The following NAA15 variants were observed in gnomAD, a reference collection of about 807,000 sequenced individuals.
The protein encoded by NAA15 is N-alpha-acetyltransferase 15, NatA auxiliary subunit.
A neutral mutation model predicts 114.0 loss-of-function variants in NAA15; 34 were observed. That is an observed-to-expected ratio of 0.30 (90% CI 0.23 to 0.40). The LOEUF (loss-of-function observed/expected upper bound fraction) is 0.40, where lower values mean the gene tolerates loss of function less well. Ranked by LOEUF, NAA15 falls within the 10% of genes least tolerant of loss-of-function variation. The pLI is 1.00. For synonymous variants in NAA15, 340 were observed against 338.0 expected, an observed-to-expected ratio of 1.01 and a Z score of -0.06; for missense variants, 658 against 1,004.5, an observed-to-expected ratio of 0.66 and a Z score of 4.66.
Position 139,343,295 on chromosome 4 carries a change from A to G in NAA15, c.537+335A>G, listed in dbSNP as rs1305991243. Reference sequence around the variant, plus strand: ...TATAGTTTTCAGTTCTCTAGATAGTATTATAGGGATAGATTATAAAAATTA... The same window carrying G: ...TATAGTTTTCAGTTCTCTAGATAGTGTTATAGGGATAGATTATAAAAATTA... On this transcript the variant is annotated intron_variant, in intron 5 of 19. Transcript: ENST00000296543. Among the ~76,000 whole-genome samples the G allele has an allele frequency of 2.6e-5, 4 of 152,172 alleles. No homozygotes were observed. The East Asian group carries it at 7.7e-4, about 29-fold the overall frequency.
At chr4:139,352,309 G>T (rs1270054261) in intron 9 of NAA15, among the ~76,000 whole-genome samples, 1 of 151,922 alleles carries the variant, frequency 6.6e-6, no homozygotes, top group African/African-American at 2.4e-5. Flanking sequence ...GGGTTTCACC[G>T]TGTTGGCCAG....
chr4:139,358,211 GAGAA>G (rs1234276138), intron 11 of NAA15, among the ~76,000 whole-genome samples: 1 of 148,938 alleles, frequency 6.7e-6, no homozygotes, highest in Non-Finnish European at 1.5e-5. Flanking sequence ...TTTTGAGAGA[GAGAA>G]AGAGTCTCAC....
chr4:139,370,356 G>T lies in NAA15; in HGVS notation c.1899G>T (p.Glu633Asp), dbSNP rs765288436. ...NQKKKKDDDD[E>D]EIGGPKEELI... ...AAAAGAAGAAGGATGATGATGATGA[G>T]GAGATAGGAGGTCCAAAAGAAGAAC... The change falls in exon 15 of 20, where the codon GAG becomes GAT. Residue 633 changes from glutamate (E) to aspartate (D), a missense_variant. Around this residue, in one of 6 missense-constraint regions of NAA15, gnomAD observed 275 missense variants for 371.1 expected, o/e 0.74. Coordinates refer to ENST00000296543, the MANE Select transcript of NAA15 (RefSeq NM_057175.5). 6.3e-7 allele frequency: 1 copy of T among 1,580,504 alleles called. No individual in the cohort carries two copies. The highest frequency in any genetic ancestry group is 1.4e-5 in the African/African-American group (1 of 72,784).
intron 15 of NAA15, among the ~76,000 whole-genome samples, chr4:139,372,162 C>T (rs555727774): frequency 3.0e-4 from 45 of 152,220 alleles, no homozygotes; most frequent in Non-Finnish European, 3.8e-4. Flanking sequence ...ATGATCCTCC[C>T]GCCTCAGCCT....
At chr4:139,384,355 G>A (rs1748833431) in intron 17 of NAA15, among the ~76,000 whole-genome samples, 2 of 152,132 alleles carry the variant, frequency 1.3e-5, no homozygotes, top group African/African-American at 4.8e-5. Context: ...GCTTGCACCT[G>A]TGGTCCCAGC....
At chr4:139,347,016 T>C (rs974213193) in intron 6 of NAA15, among the ~76,000 whole-genome samples, 1 of 151,754 alleles carries the variant, frequency 6.6e-6, no homozygotes, top group Non-Finnish European at 1.5e-5. Context: ...CAAATGATCC[T>C]CCCCCCAAAC....
At position 139,301,606 on chromosome 4, in the gene NAA15, C is replaced by A; in HGVS notation, c.-172C>A. 1 of 670,382 alleles carries A rather than the reference C, an allele frequency of 1.5e-6. No individual in the cohort carries two copies. Among genetic ancestry groups the A allele is most frequent in the Non-Finnish European group, 2.5e-6 (1 of 403,738 alleles). 41.5% of individuals were successfully genotyped at this position (670,382 alleles called of 1,614,324 possible). The stretch of plus-strand genomic sequence containing the variant: ...TTAAGTGAGAAAGGAAAAAAGACAA[C>A]GAGGAAAAAGGAGGTGTCCGGGTAG... On this transcript the variant is annotated 5_prime_UTR_variant, in exon 1 of 20. Transcript: ENST00000296543.
intron 1 of NAA15, among the ~76,000 whole-genome samples, chr4:139,331,805 T>G (rs897165852): frequency 6.6e-6 from 1 of 151,990 alleles, no homozygotes; most frequent in Non-Finnish European, 1.5e-5. Flanking sequence ...AATGTTTACA[T>G]TTTTATAACT....
chr4:139,336,742 C>A, intron 2 of NAA15, 106 bp from the exon 3 acceptor site: 4 of 523,302 alleles, frequency 7.6e-6, no homozygotes, highest in Non-Finnish European at 1.2e-5. Context: ...ATTTTTAATT[C>A]TTAAGGCAGT....
intron 16 of NAA15, among the ~76,000 whole-genome samples, chr4:139,377,549 AG>A (rs1314702378): frequency 6.6e-6 from 1 of 151,868 alleles, no homozygotes; most frequent in Admixed American, 6.6e-5. Flanking sequence ...AAAAAAAAAA[AG>A]GTCATGTTTA....
chr4:139,354,668 A>G (rs986900422), intron 10 of NAA15, among the ~76,000 whole-genome samples: 9 of 152,226 alleles, frequency 5.9e-5, no homozygotes, highest in East Asian at 1.9e-4. Flanking sequence ...ATGCAACAGT[A>G]TAATAATCCT....
Position 139,390,477 on chromosome 4 carries a change from CAG to C in NAA15, c.*2394_*2395del, listed in dbSNP as rs1426404669. 6.6e-6 allele frequency: 1 copy of C among 152,498 alleles called. No individual in the cohort carries two copies. Among genetic ancestry groups the C allele is most frequent in the African/African-American group, 2.4e-5 (1 of 41,404 alleles). 9.4% of individuals were successfully genotyped at this position (152,498 alleles called of 1,614,324 possible). On this transcript the variant is annotated 3_prime_UTR_variant, in exon 20 of 20. Coordinates refer to ENST00000296543, the MANE Select transcript of NAA15 (RefSeq NM_057175.5). ...TTCAAATGATACTGTGGGGGAAAAA[CAG>C]GGTTAGAAAAACAAGTGGAAAAAAT...
At chr4:139,349,393 A>G (rs1747705125) in intron 6 of NAA15, 69 bp from the exon 7 acceptor site, 2 of 1,376,316 alleles carry the variant, frequency 1.5e-6, no homozygotes, top group Non-Finnish European at 2.0e-6. Flanking sequence ...AATTTTGAGG[A>G]AAAGTTAAAA....
chr4:139,311,856 G>C (rs1184281608), intron 1 of NAA15, among the ~76,000 whole-genome samples: 1 of 151,854 alleles, frequency 6.6e-6, no homozygotes, highest in African/African-American at 2.4e-5. Flanking sequence ...TCAGGAGTCT[G>C]AGGCAGCAAG....
intron 1 of NAA15, among the ~76,000 whole-genome samples, chr4:139,321,476 T>C (rs1167046222): frequency 1.3e-5 from 2 of 148,382 alleles, no homozygotes; most frequent in Non-Finnish European, 3.0e-5. Context: ...TATTTGTTTT[T>C]TTTTTTTTTT....
At chr4:139,341,256 G>T (rs534365949) in intron 4 of NAA15, among the ~76,000 whole-genome samples, 187 bp downstream of exon 4, 36 of 151,600 alleles carry the variant, frequency 2.4e-4, no homozygotes, top group Admixed American at 5.9e-4. Context: ...TTATTTTATG[G>T]TGAGGCAGAT....
rs1436765819 is a variant in NAA15, at chr4:139,389,603, T to A, written c.*1519T>A. On this transcript the variant is annotated 3_prime_UTR_variant, in exon 20 of 20. Coordinates refer to ENST00000296543, the MANE Select transcript of NAA15 (RefSeq NM_057175.5). ...TATTTTGATTTGGGAAAATGAGCCT[T>A]AATTTGTTAAACCTATACACTGAGA... The A allele has an allele frequency of 1.3e-5, 2 of 152,674 alleles. No homozygotes were observed. Among genetic ancestry groups the A allele is most frequent in the African/African-American group, 4.8e-5 (2 of 41,470 alleles). 9.5% of individuals were successfully genotyped at this position (152,674 alleles called of 1,614,324 possible).
intron 15 of NAA15, among the ~76,000 whole-genome samples, chr4:139,372,823 T>C (rs1270926988): frequency 2.6e-5 from 4 of 151,958 alleles, no homozygotes; most frequent in Admixed American, 2.6e-4. Context: ...TATTCAGTCA[T>C]GTGTCATTTA....
chr4:139,366,178 G>A (rs1235882861), intron 14 of NAA15, among the ~76,000 whole-genome samples: 1 of 151,254 alleles, frequency 6.6e-6, no homozygotes, highest in African/African-American at 2.4e-5. Flanking sequence ...CCTTTTTTTG[G>A]GTCAGGAATT....
Sources: gnomAD v4.1 joint callset for allele counts (sites outside exome capture counted in the v4.1 genomes callset) on GRCh38, gnomAD v4.1.1 for gene constraint, gnomAD v4.1.1 regional missense constraint, MANE v1.5 for transcripts, NCBI Gene and HGNC (gene_info 2026-07-23, HGNC 2026-07-21) for gene names.